CTNNA2: variants seen among roughly 807,000 people sequenced by gnomAD.
The protein encoded by CTNNA2 is catenin alpha-2.
A neutral mutation model predicts 101.0 loss-of-function variants in CTNNA2; 42 were observed. The ratio of observed to expected loss-of-function variants is 0.42; its 90% CI spans 0.32 to 0.54. CTNNA2 has a LOEUF of 0.54. Ranked by LOEUF, CTNNA2 falls within the 20% of genes least tolerant of loss-of-function variation. The pLI is 0.14. For synonymous variants in CTNNA2, 450 were observed against 456.4 expected, an observed-to-expected ratio of 0.99 and a Z score of 0.18; for missense variants, 871 against 1,223.1, an observed-to-expected ratio of 0.71 and a Z score of 4.29.
chr2:79,370,889 C>T (rs1677855268), intron 3 of CTNNA2, among the ~76,000 whole-genome samples: 1 of 152,190 alleles, frequency 6.6e-6, no homozygotes, highest in South Asian at 2.1e-4. Context: ...ATCACAGCTT[C>T]ATCTCTTCCC....
intron 1 of CTNNA2, among the ~76,000 whole-genome samples, chr2:79,602,337 A>C (rs1677603964): frequency 6.6e-6 from 1 of 152,084 alleles, no homozygotes; most frequent in Non-Finnish European, 1.5e-5. Flanking sequence ...AATTCAGTTT[A>C]CCCATTCATG....
At chr2:79,986,727 A>G (rs1241779891) in intron 7 of CTNNA2, among the ~76,000 whole-genome samples, 1 of 152,162 alleles carries the variant, frequency 6.6e-6, no homozygotes, top group Non-Finnish European at 1.5e-5. Context: ...TTGTTGAGGA[A>G]GGTTGAGTGG....
chr2:79,782,239 T>C (rs1000793837), intron 3 of CTNNA2, among the ~76,000 whole-genome samples: 1 of 152,114 alleles, frequency 6.6e-6, no homozygotes, highest in Admixed American at 6.5e-5. Context: ...TTTATTTTTA[T>C]ATTTTATTTT....
At chr2:80,319,914 G>A (rs1678514597) in intron 7 of CTNNA2, among the ~76,000 whole-genome samples, 2 of 152,182 alleles carry the variant, frequency 1.3e-5, no homozygotes, top group South Asian at 4.1e-4. Context: ...CAGCCTGCTG[G>A]TAGGAAATGA....
intron 7 of CTNNA2, among the ~76,000 whole-genome samples, chr2:80,291,479 C>T (rs1033201703): frequency 6.6e-5 from 10 of 152,188 alleles, no homozygotes; most frequent in African/African-American, 2.2e-4. Context: ...AAGGGTCAAC[C>T]TCAGATGTGT....
At chr2:79,713,280 C>T (rs902681318) in intron 2 of CTNNA2, among the ~76,000 whole-genome samples, 9 of 151,964 alleles carry the variant, frequency 5.9e-5, no homozygotes, top group African/African-American at 1.7e-4. Context: ...ATCATTTGGT[C>T]GTTCTAAAAA....
intron 7 of CTNNA2, among the ~76,000 whole-genome samples, chr2:80,365,569 T>C (rs1674839469): frequency 8.2e-6 from 1 of 121,728 alleles, no homozygotes; most frequent in South Asian, 2.6e-4. Context: ...TTGTGTTTTT[T>C]GGAAAAAAAA....
chr2:79,309,960 CT>C (rs1676328738), intron 2 of CTNNA2, among the ~76,000 whole-genome samples: 1 of 152,112 alleles, frequency 6.6e-6, no homozygotes, highest in African/African-American at 2.4e-5. Context: ...TTGCTTTATA[CT>C]TTGCATTTTT....
intron 3 of CTNNA2, among the ~76,000 whole-genome samples, chr2:79,852,143 G>A (rs1006645226): frequency 1.3e-5 from 2 of 152,112 alleles, no homozygotes; most frequent in Non-Finnish European, 2.9e-5. Flanking sequence ...GGATAATTAC[G>A]CATTTAGACA....
At chr2:79,941,973 A>T (rs938864642) in intron 7 of CTNNA2, among the ~76,000 whole-genome samples, 7 of 152,162 alleles carry the variant, frequency 4.6e-5, no homozygotes, top group Non-Finnish European at 7.4e-5. Flanking sequence ...CTACAATCCA[A>T]ATTCTCATAT....
intron 7 of CTNNA2, among the ~76,000 whole-genome samples, chr2:80,294,278 T>C (rs892642499): frequency 6.6e-6 from 1 of 152,130 alleles, no homozygotes; most frequent in Admixed American, 6.6e-5. Context: ...AAAACAAATA[T>C]AAGAATAATT....
At chr2:79,562,274 T>G (rs1375257561) in intron 1 of CTNNA2, among the ~76,000 whole-genome samples, 2 of 152,098 alleles carry the variant, frequency 1.3e-5, no homozygotes, top group Non-Finnish European at 2.9e-5. Flanking sequence ...AATGTCTGTG[T>G]GTCTATCCTT....
At chr2:80,571,960 T>C (rs1694640681) in intron 12 of CTNNA2, among the ~76,000 whole-genome samples, 1 of 152,154 alleles carries the variant, frequency 6.6e-6, no homozygotes, top group Non-Finnish European at 1.5e-5. Flanking sequence ...AAAAACATTT[T>C]TGTGACTCCA....
chr2:79,659,594 T>C (rs1007944086), intron 2 of CTNNA2, among the ~76,000 whole-genome samples: 1 of 152,236 alleles, frequency 6.6e-6, no homozygotes, highest in Non-Finnish European at 1.5e-5. Context: ...TTTCCAAGTA[T>C]ATTTTCCCAT....
At chr2:80,472,953 G>A (rs1559138499) in intron 9 of CTNNA2, among the ~76,000 whole-genome samples, 2 of 152,176 alleles carry the variant, frequency 1.3e-5, no homozygotes, top group South Asian at 4.1e-4. Context: ...CAGCTTGTCA[G>A]TGAAATGTAT....
At chr2:80,038,595 C>T (rs1409465692) in intron 7 of CTNNA2, among the ~76,000 whole-genome samples, 10 of 152,118 alleles carry the variant, frequency 6.6e-5, no homozygotes, top group Non-Finnish European at 1.2e-4. Context: ...GTGGCGGGCA[C>T]CTGTAATCCC....
intron 6 of CTNNA2, among the ~76,000 whole-genome samples, chr2:79,877,887 G>A (rs559549254): frequency 1.1e-4 from 16 of 152,178 alleles, no homozygotes; most frequent in African/African-American, 3.9e-4. Context: ...CGTGCAAAAT[G>A]TGCAGGTTTG....
chr2:79,866,160 GCTATTTTGAACAGGC>G (rs1682079108), intron 4 of CTNNA2, among the ~76,000 whole-genome samples: 1 of 152,174 alleles, frequency 6.6e-6, no homozygotes, highest in Non-Finnish European at 1.5e-5. Context: ...GGTGGTACAG[GCTATTTTGAACAGGC>G]CTGCGAAAAG....
chr2:79,467,826 C>T (rs896041127), intron 4 of CTNNA2, among the ~76,000 whole-genome samples: 2 of 152,166 alleles, frequency 1.3e-5, no homozygotes, highest in African/African-American at 2.4e-5. Flanking sequence ...CAAGCAAATG[C>T]TGAGAGATTT....
Sources: gnomAD v4.1 joint callset for allele counts (sites outside exome capture counted in the v4.1 genomes callset) on GRCh38, gnomAD v4.1.1 for gene constraint, MANE v1.5 for transcripts, NCBI Gene and HGNC (gene_info 2026-07-23, HGNC 2026-07-21) for gene names.